The following ZDHHC17 variants were observed in gnomAD, a reference collection of about 807,000 sequenced individuals.
The protein encoded by ZDHHC17 is palmitoyltransferase ZDHHC17.
In ZDHHC17, 40 loss-of-function variants were observed where a neutral mutation model predicts 90.3. The ratio of observed to expected loss-of-function variants is 0.44; its 90% CI spans 0.34 to 0.58. ZDHHC17 has a LOEUF of 0.58. ZDHHC17 is among the 20% of genes least tolerant of loss of function. The probability of loss-of-function intolerance (pLI) is 0.01; values close to 1 mark genes in which losing one functional copy is unlikely to be tolerated. For synonymous variants in ZDHHC17, 235 were observed against 252.4 expected, an observed-to-expected ratio of 0.93 and a Z score of 0.65; for missense variants, 614 against 780.8, an observed-to-expected ratio of 0.79 and a Z score of 2.55.
Position 76,805,360 on chromosome 12 carries a change from T to C in ZDHHC17, c.241T>C (p.Tyr81His). ...ERCRELVEAGYDVRQPDKENV... is the reference protein window; with the variant it reads ...ERCRELVEAGHDVRQPDKENV... ...CTGTCGAGAATTGGTGGAAGCAGGTTATGATGTACGGCAACCGGACAAAGA... is the reference window on the plus strand; with the variant it reads ...CTGTCGAGAATTGGTGGAAGCAGGTCATGATGTACGGCAACCGGACAAAGA... The change falls in exon 3 of 17, where the codon TAT becomes CAT. Residue 81 changes from tyrosine to histidine, a missense_variant. Tyr to His is a moderately conservative substitution (Grantham distance 83). Transcript: ENST00000426126. The C allele has an allele frequency of 6.2e-7, 1 of 1,604,378 alleles. No homozygotes were observed. The highest frequency in any genetic ancestry group is 8.5e-7 in the Non-Finnish European group (1 of 1,174,552).
rs562629778 is a variant in ZDHHC17, at chr12:76,764,292, A to G, written c.56A>G (p.Asp19Gly). 18 of 1,606,976 alleles carry G rather than the reference A, an allele frequency of 1.1e-5. No homozygotes were observed. Among genetic ancestry groups the G allele is most frequent in the Non-Finnish European group, 1.4e-5 (16 of 1,176,890 alleles). Residue 19 changes from aspartate (D) to glycine (G), a missense_variant, in exon 1 of 17, where the codon GAT (aspartate) becomes GGT (glycine). This residue lies in a region of ZDHHC17 where 358 missense variants were observed against 380.4 expected (regional missense o/e 0.94). Coordinates refer to ENST00000426126, the MANE Select transcript of ZDHHC17 (RefSeq NM_015336.4). ...ATGGCGGACGGCCCGGATGAGTACGATACCGAAGCGGGCTGTGTGCCCCTT... is the reference window on the plus strand; with the variant it reads ...ATGGCGGACGGCCCGGATGAGTACGGTACCGAAGCGGGCTGTGTGCCCCTT... Reference protein sequence around the residue: ...TKMADGPDEYDTEAGCVPLLH... With the variant: ...TKMADGPDEYGTEAGCVPLLH...
At chr12:76,830,554 AGC>A (rs1953287683) in intron 10 of ZDHHC17, among the ~76,000 whole-genome samples, 1 of 152,188 alleles carries the variant, frequency 6.6e-6, no homozygotes, top group Admixed American at 6.5e-5. Context: ...GGATTTATTA[AGC>A]ATTAGAATTG....
intron 1 of ZDHHC17, among the ~76,000 whole-genome samples, chr12:76,794,382 A>T (rs1203243126): frequency 6.6e-6 from 1 of 152,136 alleles, no homozygotes. Flanking sequence ...ATCTTGATAG[A>T]GTGTTGTCAT....
At chr12:76,810,279 TCTTA>T (rs536749888) in intron 5 of ZDHHC17, among the ~76,000 whole-genome samples, 31 of 152,268 alleles carry the variant, frequency 2.0e-4, no homozygotes, top group African/African-American at 5.5e-4. Flanking sequence ...TAATGCTGCT[TCTTA>T]CTTGTCAGAA....
chr12:76,846,134 A>G (rs1307486119), intron 13 of ZDHHC17, among the ~76,000 whole-genome samples: 1 of 152,148 alleles, frequency 6.6e-6, no homozygotes, highest in African/African-American at 2.4e-5. Flanking sequence ...GACAGATAAG[A>G]ACAGTACACA....
chr12:76,765,367 A>T (rs12370145), intron 1 of ZDHHC17, among the ~76,000 whole-genome samples: 1 of 152,220 alleles, frequency 6.6e-6, no homozygotes, highest in African/African-American at 2.4e-5. Context: ...GCATGTTAAC[A>T]CTCAACCACC....
At position 76,853,001 on chromosome 12, in the gene ZDHHC17, C is replaced by T. The variant is rs1363970837; in HGVS notation, c.*2016C>T. 1 of 152,344 alleles carries T rather than the reference C, an allele frequency of 6.6e-6. No homozygotes were observed. The allele number at this position is 152,344 out of a possible 1,614,324, so 9.4% of individuals were successfully genotyped here. On this transcript the variant is annotated 3_prime_UTR_variant, in exon 17 of 17. Transcript: ENST00000426126. ...CATGAAGACTCAGTTGCATTTTTAT[C>T]GAATACATTTTTATCAACAGTTAAA... is the stretch of plus-strand genomic sequence containing the variant.
chr12:76,774,433 A>T (rs1343205104), intron 1 of ZDHHC17, among the ~76,000 whole-genome samples: 1 of 151,186 alleles, frequency 6.6e-6, no homozygotes, highest in Non-Finnish European at 1.5e-5. Flanking sequence ...GGAGATGAGT[A>T]GTCTCAGTAT....
intron 10 of ZDHHC17, among the ~76,000 whole-genome samples, chr12:76,829,117 A>T (rs991140733): frequency 6.6e-6 from 1 of 152,176 alleles, no homozygotes; most frequent in African/African-American, 2.4e-5. Flanking sequence ...AATGTAAATG[A>T]GTACAACCTC....
chr12:76,832,923 C>A (rs574257566), intron 10 of ZDHHC17, among the ~76,000 whole-genome samples: 1 of 152,236 alleles, frequency 6.6e-6, no homozygotes, highest in Admixed American at 6.5e-5. Context: ...TGTTCATGCC[C>A]GTTGAATTCA....
chr12:76,781,450 G>A (rs1160379741), intron 1 of ZDHHC17, among the ~76,000 whole-genome samples: 1 of 152,216 alleles, frequency 6.6e-6, no homozygotes, highest in East Asian at 1.9e-4. Flanking sequence ...TAAGAGGTGG[G>A]ACTGCTGAGA....
At chr12:76,764,496 G>A in intron 1 of ZDHHC17, 167 bp downstream of exon 1, 2 of 660,082 alleles carry the variant, frequency 3.0e-6, no homozygotes, top group Non-Finnish European at 2.6e-6. Context: ...CGGATAACGG[G>A]GGAGGAGATA....
chr12:76,813,581 C>T (rs1953050810), intron 5 of ZDHHC17: 1 of 252,206 alleles, frequency 4.0e-6, no homozygotes, highest in Non-Finnish European at 7.9e-6. Context: ...AACAGTGGCT[C>T]ACAGAGAACT....
At chr12:76,835,121 A>G (rs1312680887) in intron 10 of ZDHHC17, among the ~76,000 whole-genome samples, 2 of 150,324 alleles carry the variant, frequency 1.3e-5, no homozygotes, top group Non-Finnish European at 3.0e-5. Flanking sequence ...CGCAATCTCA[A>G]CTCACTGCCA....
chr12:76,815,976 T>G lies in ZDHHC17; in HGVS notation c.728T>G (p.Leu243Arg). The change falls in exon 7 of 17, where the codon CTT (leucine) becomes CGT (arginine). Residue 243 changes from leucine (L) to arginine (R), a missense_variant. By Grantham distance (102) the Leu-to-Arg change is moderately radical (BLOSUM62 -2). Around this residue, in one of 5 missense-constraint regions of ZDHHC17, gnomAD observed 358 missense variants for 380.4 expected, o/e 0.94. Coordinates refer to ENST00000426126, the MANE Select transcript of ZDHHC17 (RefSeq NM_015336.4). ...VLAGNTTVIS[L>R]LLEAGANVDA... is the part of the protein sequence containing the mutation. The stretch of plus-strand genomic sequence containing the variant: ...GCAGGGAATACCACAGTCATTAGCC[T>G]TCTTCTGGAAGCTGGAGCTAATGTT... 1.3e-6 allele frequency: 2 copies of G among 1,571,028 alleles called. No homozygotes were observed. The highest frequency in any genetic ancestry group is 1.7e-6 in the Non-Finnish European group (2 of 1,157,872).
At position 76,850,874 on chromosome 12, in the gene ZDHHC17, C is replaced by T. The variant is rs960894020; in HGVS notation, c.1788C>T (p.Asp596=). The change falls in exon 17 of 17, where the codon GAC becomes GAT. Residue 596 remains aspartate, a synonymous_variant. Coordinates refer to ENST00000426126, the MANE Select transcript of ZDHHC17 (RefSeq NM_015336.4). ...FNHGCVRNII[D]FFEFRCCGLF... Reference sequence around the variant, plus strand: ...ATGGATGTGTAAGAAATATTATAGACTTCTTTGAATTTCGATGCTGTGGCC... The same window carrying T: ...ATGGATGTGTAAGAAATATTATAGATTTCTTTGAATTTCGATGCTGTGGCC... 6.2e-7 allele frequency: 1 copy of T among 1,613,910 alleles called. No individual in the cohort carries two copies. Among genetic ancestry groups the T allele is most frequent in the Non-Finnish European group, 8.5e-7 (1 of 1,179,870 alleles).
chr12:76,809,722 T>C lies in ZDHHC17; in HGVS notation c.408T>C (p.His136=), dbSNP rs967708748. ...TTCTTTTATGTTTTAGACAAGGCCA[T>C]CTATCCATGGTTGTGCAACTAATGA... is the stretch of plus-strand genomic sequence containing the variant. ...TPLHWATRQG[H]LSMVVQLMKY... The change falls in exon 5 of 17, where the codon CAT becomes CAC. Residue 136 remains histidine, a synonymous_variant. Coordinates refer to ENST00000426126, the MANE Select transcript of ZDHHC17 (RefSeq NM_015336.4). The C allele has an allele frequency of 1.3e-6, 2 of 1,502,582 alleles. No homozygotes were observed. The highest frequency in any genetic ancestry group is 4.7e-5 in the Admixed American group (2 of 42,138). The allele number at this position is 1,502,582 out of a possible 1,614,324, so 93.1% of individuals were successfully genotyped here. A position where few individuals can be genotyped will look rare whatever the true frequency, so the allele number is the denominator to read the frequency against.
At chr12:76,828,586 C>G (rs1456699926) in intron 10 of ZDHHC17, 96 bp downstream of exon 10, 1 of 971,840 alleles carries the variant, frequency 1.0e-6, no homozygotes. Flanking sequence ...TCTACTCATT[C>G]ATAATACATT....
At chr12:76,833,089 G>C (rs1231540605) in intron 10 of ZDHHC17, among the ~76,000 whole-genome samples, 1 of 152,084 alleles carries the variant, frequency 6.6e-6, no homozygotes, top group Admixed American at 6.5e-5. Context: ...TGGTGATAAT[G>C]AATTTTACAT....
Sources: gnomAD v4.1 joint callset for allele counts (sites outside exome capture counted in the v4.1 genomes callset) on GRCh38, gnomAD v4.1.1 for gene constraint, gnomAD v4.1.1 regional missense constraint, MANE v1.5 for transcripts, NCBI Gene and HGNC (gene_info 2026-07-23, HGNC 2026-07-21) for gene names.